PALLD: variants seen among roughly 807,000 people sequenced by gnomAD.
PALLD encodes palladin, cytoskeletal associated protein.
PALLD carries 61 observed loss-of-function variants against 123.5 expected under a neutral mutation model. That is an observed-to-expected ratio of 0.49 (90% CI 0.40 to 0.61). PALLD has a LOEUF of 0.61. Among genes scored for constraint, PALLD ranks in the 20% least tolerant of loss-of-function variants. PALLD has a pLI of 0.00. For missense variants in PALLD, 1,273 were observed against 1,377.0 expected (o/e 0.92, Z 1.20); for synonymous variants, 465 against 496.4 (o/e 0.94, Z 0.84).
chr4:168,794,506 GCACACACACACA>G (rs57496563), intron 10 of PALLD, among the ~76,000 whole-genome samples: 4 of 143,956 alleles, frequency 2.8e-5, no homozygotes, highest in East Asian at 2.1e-4. Flanking sequence ...ACACACACAC[GCACACACACACA>G]CACACACACA....
chr4:168,665,864 G>A (rs150601034), intron 2 of PALLD, among the ~76,000 whole-genome samples: 427 of 152,124 alleles, frequency 2.8e-3, no homozygotes, highest in Non-Finnish European at 4.7e-3. Context: ...ACATAATTGG[G>A]GCTTTGAGGG....
At chr4:168,584,654 A>G (rs1434892377) in intron 2 of PALLD, among the ~76,000 whole-genome samples, 2 of 152,162 alleles carry the variant, frequency 1.3e-5, no homozygotes, top group Non-Finnish European at 2.9e-5. Context: ...AATGTCTTCT[A>G]TTTCAATCTG....
chr4:168,693,697 G>C (rs1253108965), intron 8 of PALLD, among the ~76,000 whole-genome samples: 1 of 152,054 alleles, frequency 6.6e-6, no homozygotes, highest in Non-Finnish European at 1.5e-5. Flanking sequence ...ATATTATATA[G>C]TCAGGAGCTA....
In PALLD at chr4:168,714,821, G is replaced by A. The variant is rs72699852; in HGVS notation, c.1964+2898G>A. ...AATTAATCTGAAAATGGTGTCTGAT[G>A]TGTCAGATGTCTGGGGGAAAGAAGA... On this transcript the variant is annotated intron_variant, in intron 10 of 21. Transcript: ENST00000505667. Among the ~76,000 whole-genome samples, 1,480 of 151,496 alleles carry A rather than the reference G, an allele frequency of 9.8e-3. 9 individuals carry two copies. Among genetic ancestry groups the A allele is most frequent in the Non-Finnish European group, 0.015 (1,041 of 67,962 alleles).
At chr4:168,780,885 G>A (rs912698648) in intron 10 of PALLD, among the ~76,000 whole-genome samples, 1 of 151,944 alleles carries the variant, frequency 6.6e-6, no homozygotes, top group African/African-American at 2.4e-5. Context: ...ACGGGGTTTC[G>A]CTATGTTGGC....
intron 2 of PALLD, among the ~76,000 whole-genome samples, chr4:168,550,327 T>C (rs1766599688): frequency 6.6e-6 from 1 of 152,160 alleles, no homozygotes. Context: ...TGGTAAGTGC[T>C]TCAATCATAC....
At chr4:168,694,475 C>T (rs1782951260) in intron 8 of PALLD, among the ~76,000 whole-genome samples, 1 of 152,042 alleles carries the variant, frequency 6.6e-6, no homozygotes, top group African/African-American at 2.4e-5. Context: ...TCCTTCATTC[C>T]CTGCCTCTCT....
intron 1 of PALLD, among the ~76,000 whole-genome samples, chr4:168,507,142 A>T (rs920424611): frequency 6.6e-6 from 1 of 152,182 alleles, no homozygotes; most frequent in Non-Finnish European, 1.5e-5. Context: ...AAAAGGCTCA[A>T]ATCAAAATCA....
intron 10 of PALLD, among the ~76,000 whole-genome samples, chr4:168,809,318 C>CCTTCTT (rs72109616): frequency 2.2e-4 from 32 of 143,630 alleles, no homozygotes; most frequent in African/African-American, 7.7e-4. Context: ...CCTTATAAAT[C>CCTTCTT]CTTCTTCTTC....
chr4:168,556,636 G>A (rs1421064721), intron 2 of PALLD, among the ~76,000 whole-genome samples: 1 of 152,144 alleles, frequency 6.6e-6, no homozygotes. Context: ...CTCTTACCCT[G>A]TGTTATTTTT....
intron 10 of PALLD, among the ~76,000 whole-genome samples, chr4:168,873,250 C>T (rs1034420206): frequency 5.9e-5 from 9 of 152,040 alleles, no homozygotes; most frequent in African/African-American, 2.2e-4. Context: ...GTGAGGATGC[C>T]GAAAGTTACC....
chr4:168,563,855 T>C (rs1768099057), intron 2 of PALLD, among the ~76,000 whole-genome samples: 1 of 152,220 alleles, frequency 6.6e-6, no homozygotes, highest in African/African-American at 2.4e-5. Flanking sequence ...AGAAAAACAT[T>C]TTTAATAAAA....
intron 2 of PALLD, among the ~76,000 whole-genome samples, chr4:168,578,953 CTGTA>C (rs1769941499): frequency 6.6e-6 from 1 of 152,102 alleles, no homozygotes; most frequent in African/African-American, 2.4e-5. Context: ...TTTGTGTGCT[CTGTA>C]TGTGTCAATT....
rs565234953 is a variant in PALLD, at chr4:168,693,918, T to TG, written c.1501+2627dup. 9.8e-5 allele frequency among the ~76,000 whole-genome samples: 15 copies of TG among 152,304 alleles called. No individual in the cohort carries two copies. In the East Asian group the frequency reaches 2.7e-3, roughly 27 times the overall value. On this transcript the variant is annotated intron_variant, in intron 8 of 21. Coordinates refer to ENST00000505667, the MANE Select transcript of PALLD (RefSeq NM_001166108.2). Reference sequence around the variant, plus strand: ...TTAAACACATGAATGACCACGCAAGTGACTAATTATATGAGTTGTTGTGAG... The same window carrying TG: ...TTAAACACATGAATGACCACGCAAGTGGACTAATTATATGAGTTGTTGTGAG...
At chr4:168,657,731 A>G (rs1778720475) in intron 2 of PALLD, among the ~76,000 whole-genome samples, 1 of 152,194 alleles carries the variant, frequency 6.6e-6, no homozygotes, top group Non-Finnish European at 1.5e-5. Context: ...TCAAAATGGC[A>G]GCTCCACCTT....
chr4:168,733,096 T>G (rs529837755), intron 10 of PALLD, among the ~76,000 whole-genome samples: 1 of 152,322 alleles, frequency 6.6e-6, no homozygotes, highest in South Asian at 2.1e-4. Context: ...ACATGTGATA[T>G]TTTAATACAT....
intron 8 of PALLD, among the ~76,000 whole-genome samples, chr4:168,706,697 G>A (rs1260153005): frequency 1.3e-5 from 2 of 152,166 alleles, no homozygotes; most frequent in African/African-American, 2.4e-5. Flanking sequence ...TAAGAATGGA[G>A]TGAGAAATCG....
At position 168,711,472 on chromosome 4, in the gene PALLD, T is replaced by C. The variant is rs934874396; in HGVS notation, c.1622-109T>C. ...TGAGAGCAGCACAATCACCTCTTCT[T>C]TAACAACTTCACACAACACAGGGAT... is the stretch of plus-strand genomic sequence containing the variant. On this transcript the variant is annotated intron_variant, in intron 9 of 21. Coordinates refer to ENST00000505667, the MANE Select transcript of PALLD (RefSeq NM_001166108.2). 5.9e-6 allele frequency: 5 copies of C among 843,948 alleles called. No homozygotes were observed. In the African/African-American group the frequency reaches 8.3e-5, roughly 14 times the overall value. 52.3% of individuals were successfully genotyped at this position (843,948 alleles called of 1,614,324 possible).
At chr4:168,832,176 G>A in intron 10 of PALLD, 1 of 985,574 alleles carries the variant, frequency 1.0e-6, no homozygotes, top group Non-Finnish European at 1.2e-6. Flanking sequence ...GCCGAGGTAG[G>A]CGCGGGGAAT....
Sources: gnomAD v4.1 joint callset for allele counts (sites outside exome capture counted in the v4.1 genomes callset) on GRCh38, gnomAD v4.1.1 for gene constraint, MANE v1.5 for transcripts, NCBI Gene and HGNC (gene_info 2026-07-23, HGNC 2026-07-21) for gene names.